FLNA: variants seen among roughly 807,000 people sequenced by gnomAD.
The protein encoded by FLNA is filamin A.
A neutral mutation model predicts 157.6 loss-of-function variants in FLNA; 7 were observed. The observed-to-expected ratio is 0.04, with a 90% confidence interval of 0.03 to 0.08. The LOEUF is 0.08. Among genes scored for constraint, FLNA ranks in the 10% least tolerant of loss-of-function variants. The pLI is 1.00. For synonymous variants in FLNA, 1,103 were observed against 1,060.8 expected, an observed-to-expected ratio of 1.04 and a Z score of -0.77; for missense variants, 1,750 against 2,398.4, an observed-to-expected ratio of 0.73 and a Z score of 5.65.
At position 154,360,225 on chromosome X, in the gene FLNA, G is replaced by A. The variant is rs782421889; in HGVS notation, c.3570C>T (p.Ser1190=). 15 of 1,211,504 alleles carry A rather than the reference G, an allele frequency of 1.2e-5. No homozygotes were observed. Among genetic ancestry groups the A allele is most frequent in the Admixed American group, 6.5e-5 (3 of 46,194 alleles). ...AGCAGATCTCAATGGTCAGCTCCGC[G>A]CTGCCCGCGCTCGAGCAGTCCACTT... is the stretch of plus-strand genomic sequence containing the variant. ...QFQVDCSSAG[S]AELTIEICSE... is the part of the protein sequence containing the mutation. Residue 1190 remains serine (S), a synonymous_variant, in exon 22 of 48, where the codon AGC becomes AGT. Coordinates refer to ENST00000369850, the MANE Select transcript of FLNA (RefSeq NM_001110556.2).
intron 1 of FLNA, among the ~76,000 whole-genome samples, chrX:154,372,758 T>C (rs1258610842): frequency 9.3e-6 from 1 of 107,921 alleles, no homozygotes; most frequent in African/African-American, 3.4e-5. Flanking sequence ...AAGGCAGGTA[T>C]CTGTCCCTCC....
rs782470647 is a variant in FLNA at position 154,361,410 on chromosome X, G to C, written c.3105C>G (p.Pro1035=). Residue 1035 remains proline, a synonymous_variant, in exon 21 of 48, where the codon CCC becomes CCG. Transcript: ENST00000369850. ...GADNSVVRFL[P]REEGPYEVEV... Reference sequence around the variant, plus strand: ...CCACCTCATAGGGCCCTTCCTCACGGGGCAGGAAGCGCACCACACTGTTGT... The same window carrying C: ...CCACCTCATAGGGCCCTTCCTCACGCGGCAGGAAGCGCACCACACTGTTGT... 5 of 1,210,714 alleles carry C rather than the reference G, an allele frequency of 4.1e-6. No individual in the cohort carries two copies. In the Admixed American group the frequency reaches 1.1e-4, roughly 26 times the overall value.
In FLNA at chrX:154,367,321, C is replaced by T. The variant is rs782285698; in HGVS notation, c.868+76G>A. ...CATGTAACCCAAGACCCCTGGGGAC[C>T]GCCACGTTTAGATGGGACACTGTCT... On this transcript the variant is annotated intron_variant, in intron 5 of 47. Coordinates refer to ENST00000369850, the MANE Select transcript of FLNA (RefSeq NM_001110556.2). The T allele has an allele frequency of 4.5e-5, 50 of 1,107,955 alleles. No individual in the cohort carries two copies. The African/African-American group carries it at 7.3e-4, about 16-fold the overall frequency. 91.3% of individuals were successfully genotyped at this position (1,107,955 alleles called of 1,213,427 possible). A position where few individuals can be genotyped will look rare whatever the true frequency, so the allele number is the denominator to read the frequency against.
intron 28 of FLNA, 145 bp downstream of exon 28, chrX:154,358,054 A>T (rs1199629402): frequency 6.1e-6 from 4 of 656,160 alleles, no homozygotes; most frequent in Non-Finnish European, 9.6e-6. Flanking sequence ...AGGTAGTCAC[A>T]ACCTTAGCAA....
rs375154492 is a variant in FLNA, at chrX:154,362,224, T to C, written c.2656+18A>G. On this transcript the variant is annotated intron_variant, in intron 18 of 47. Transcript: ENST00000369850. Reference sequence around the variant, plus strand: ...ACCCTTGATGCCCCGCAACCTGCCATGGGGTACCTGTCCTCACCAGTGCGA... The same window carrying C: ...ACCCTTGATGCCCCGCAACCTGCCACGGGGTACCTGTCCTCACCAGTGCGA... 5.0e-5 allele frequency: 61 copies of C among 1,208,069 alleles called. 1 individual carries two copies. In the African/African-American group the frequency reaches 9.8e-4, roughly 19 times the overall value.
intron 30 of FLNA, among the ~76,000 whole-genome samples, chrX:154,355,836 G>T (rs1018798919): frequency 6.2e-5 from 7 of 112,855 alleles, no homozygotes; most frequent in Non-Finnish European, 1.1e-4. Flanking sequence ...GTTATGATCT[G>T]GGTCTCCGCC....
intron 29 of FLNA, 65 bp from the exon 30 acceptor site, chrX:154,357,339 C>A: frequency 8.4e-7 from 1 of 1,187,595 alleles, no homozygotes. Flanking sequence ...GCGGCCCCCA[C>A]TCCCACACGC....
Position 154,350,018 on chromosome X carries a change from C to T in FLNA, c.7333+13G>A, listed in dbSNP as rs1557175421. The stretch of plus-strand genomic sequence containing the variant: ...AGCTGTGTGCACACGTGCAGCCGCA[C>T]CGACAGACTTACCTGTGACACCGCC... On this transcript the variant is annotated intron_variant, in intron 45 of 47. Coordinates refer to ENST00000369850, the MANE Select transcript of FLNA (RefSeq NM_001110556.2). 8.3e-7 allele frequency: 1 copy of T among 1,210,454 alleles called. No homozygotes were observed. The highest frequency in any genetic ancestry group is 3.0e-5 in the East Asian group (1 of 33,841).
intron 39 of FLNA, 26 bp downstream of exon 39, chrX:154,352,746 G>A: frequency 8.3e-7 from 1 of 1,211,033 alleles, no homozygotes; most frequent in Non-Finnish European, 1.1e-6. Context: ...TAGTGAGGGG[G>A]GCTGCCGAGG....
intron 30 of FLNA, 110 bp downstream of exon 30, chrX:154,357,141 C>T (rs934518954): frequency 2.2e-5 from 17 of 786,548 alleles, no homozygotes; most frequent in Non-Finnish European, 3.2e-5. Flanking sequence ...CCAACTCTGT[C>T]CCTGCCTAGA....
At position 154,366,201 on chromosome X, in the gene FLNA, C is replaced by T. The variant is rs1053199573; in HGVS notation, c.1252G>A (p.Val418Ile). The part of the protein sequence containing the change: ...TAGAGTGEVE[V>I]VIQDPMGQKG... ...TGTCCCATGGGGTCCTGGATCACAA[C>T]CTCGACCTCGCCCGTGCCAGCTCCT... Residue 418 changes from valine to isoleucine, a missense_variant, in exon 9 of 48, where the codon GTT (valine) becomes ATT (isoleucine). Val to Ile is a conservative substitution (Grantham distance 29). Coordinates refer to ENST00000369850, the MANE Select transcript of FLNA (RefSeq NM_001110556.2). 1.7e-6 allele frequency: 2 copies of T among 1,210,845 alleles called. No homozygotes were observed. The highest frequency in any genetic ancestry group is 1.8e-5 in the South Asian group (1 of 57,005).
chrX:154,349,209 CTTTG>C (rs1292359529), intron 47 of FLNA, among the ~76,000 whole-genome samples, 149 bp downstream of exon 47: 2 of 113,094 alleles, frequency 1.8e-5, no homozygotes, highest in Admixed American at 9.2e-5. Flanking sequence ...CCTCCCTGGT[CTTTG>C]TTTGAGGGGT....
chrX:154,364,598 G>C lies in FLNA; in HGVS notation c.1950C>G (p.Asn650Lys), dbSNP rs924628127. The C allele has an allele frequency of 2.5e-6, 3 of 1,211,242 alleles. No individual in the cohort carries two copies. Among genetic ancestry groups the C allele is most frequent in the Non-Finnish European group, 3.4e-6 (3 of 895,521 alleles). ...AGEYAVHVLCNSEDIRLSPFM... is the reference protein window; with the variant it reads ...AGEYAVHVLCKSEDIRLSPFM... Reference sequence around the variant, plus strand: ...AGGGGCTGAGGCGGATGTCTTCGCTGTTGCACAGCACGTGAACGGCATACT... The same window carrying C: ...AGGGGCTGAGGCGGATGTCTTCGCTCTTGCACAGCACGTGAACGGCATACT... The change falls in exon 13 of 48, where the codon AAC (asparagine) becomes AAG (lysine). Residue 650 changes from asparagine to lysine, a missense_variant. Asn to Lys is a moderately conservative substitution (Grantham distance 94, BLOSUM62 0). Transcript: ENST00000369850.
chrX:154,370,534 C>A (rs1319838194), intron 2 of FLNA, among the ~76,000 whole-genome samples: 1 of 112,812 alleles, frequency 8.9e-6, no homozygotes, highest in Non-Finnish European at 1.9e-5. Context: ...GGGGACGGGG[C>A]GCAGGGCCAG....
chrX:154,353,308 T>G lies in FLNA; in HGVS notation c.6010A>C (p.Asn2004His). 1.7e-6 allele frequency: 2 copies of G among 1,211,604 alleles called. No homozygotes were observed. The highest frequency in any genetic ancestry group is 4.6e-4 in the Middle Eastern group (2 of 4,356). The change falls in exon 37 of 48, where the codon AAT (asparagine) becomes CAT (histidine). Residue 2004 changes from asparagine to histidine, a missense_variant. Physicochemically the swap from Asn to His is moderately conservative, Grantham distance 68. Coordinates refer to ENST00000369850, the MANE Select transcript of FLNA (RefSeq NM_001110556.2). The stretch of plus-strand genomic sequence containing the variant: ...TTCAGCCGCTTACCCACGTGGCCAT[T>G]ACGCAGCCGCTTCAGCAAACAGGGC... ...EEPCLLKRLR[N>H]GHVGISFVPK...
chrX:154,350,428 T>G (rs1417628181), intron 44 of FLNA: 2 of 439,291 alleles, frequency 4.6e-6, no homozygotes, highest in Non-Finnish European at 7.9e-6. Flanking sequence ...CGGAAATCTT[T>G]TACAAGCCAA....
rs782810189 is a variant in FLNA at position 154,354,036 on chromosome X, G to A, written c.5565C>T (p.Pro1855=). 1 of 1,210,797 alleles carries A rather than the reference G, an allele frequency of 8.3e-7. No homozygotes were observed. Among genetic ancestry groups the A allele is most frequent in the Non-Finnish European group, 1.1e-6 (1 of 895,301 alleles). ...RYDNMHIPGS[P]LQFYVDYVNC... ...TGACGTAATCCACATAGAACTGCAA[G>A]GGGCTTCCTGAGGCAGGAAGAAGGG... is the stretch of plus-strand genomic sequence containing the variant. The change falls in exon 35 of 48, where the codon CCC becomes CCT. Residue 1855 remains proline, a synonymous_variant. Coordinates refer to ENST00000369850, the MANE Select transcript of FLNA (RefSeq NM_001110556.2).
At chrX:154,369,669 C>G (rs1369494018) in intron 2 of FLNA, among the ~76,000 whole-genome samples, 1 of 112,064 alleles carries the variant, frequency 8.9e-6, no homozygotes, top group Non-Finnish European at 1.9e-5. Context: ...GGAGACCCCC[C>G]CTAAAGAGCT....
chrX:154,361,139 T>C (rs371598851), intron 21 of FLNA, among the ~76,000 whole-genome samples, 169 bp downstream of exon 21: 1 of 94,785 alleles, frequency 1.1e-5, no homozygotes, highest in East Asian at 3.3e-4. Context: ...GGTTTCTATT[T>C]CCCTCCTCCC....
Sources: allele counts gnomAD v4.1 joint callset (sites outside exome capture counted in the v4.1 genomes callset), GRCh38; gene constraint gnomAD v4.1.1; transcripts MANE v1.5; gene names NCBI Gene and HGNC (gene_info 2026-07-23, HGNC 2026-07-21).